C4orf36: variants seen among roughly 807,000 people sequenced by gnomAD.
C4orf36 encodes chromosome 4 open reading frame 36, also known as uncharacterized protein C4orf36.
Under a neutral mutation model 12.2 loss-of-function variants are expected in C4orf36, and 11 were observed. The ratio of observed to expected loss-of-function variants is 0.90; its 90% CI spans 0.57 to 1.49. The LOEUF is 1.49. Among genes scored for constraint, C4orf36 ranks in the 40% most tolerant of loss-of-function variants. C4orf36 has a pLI of 0.00. For synonymous variants in C4orf36, 54 were observed against 51.3 expected, an observed-to-expected ratio of 1.05 and a Z score of -0.22; for missense variants, 137 against 133.9, an observed-to-expected ratio of 1.02 and a Z score of -0.11.
At chr4:86,903,639 G>A in the C4orf36 span, among the ~76,000 whole-genome samples, 4 of 152,164 alleles carry the variant, frequency 2.6e-5, no homozygotes, top group East Asian at 7.7e-4. Context: ...AAAGAACAAA[G>A]CTCCCATACC....
chr4:86,883,180 G>A (rs751281996), intron 4 of C4orf36, among the ~76,000 whole-genome samples: 63 of 151,788 alleles, frequency 4.2e-4, no homozygotes, highest in Non-Finnish European at 7.1e-4. Context: ...ACACAGTGGG[G>A]ACATCAGGAT....
intron 4 of C4orf36, among the ~76,000 whole-genome samples, chr4:86,882,000 C>T (rs900689109): frequency 1.3e-5 from 2 of 152,130 alleles, no homozygotes; most frequent in African/African-American, 2.4e-5. Flanking sequence ...AATCAATGAT[C>T]GTCTATTGAG....
intron 4 of C4orf36, chr4:86,887,072 T>C (rs572527147): frequency 6.6e-6 from 1 of 151,490 alleles, no homozygotes; most frequent in Non-Finnish European, 1.5e-5. Context: ...ATGAGAACAC[T>C]TGGACACAGG....
At chr4:86,923,025 T>G in the C4orf36 span, among the ~76,000 whole-genome samples, 1 of 150,888 alleles carries the variant, frequency 6.6e-6, no homozygotes, top group Non-Finnish European at 1.5e-5. Context: ...CCTCAAGTGA[T>G]CCTCCTGCCT....
the C4orf36 span, among the ~76,000 whole-genome samples, chr4:86,902,922 T>A: frequency 2.8e-4 from 42 of 152,124 alleles, no homozygotes; most frequent in Middle Eastern, 3.4e-3. Context: ...TAAAAAAAAA[T>A]AAAGAACAGT....
chr4:86,919,325 T>TCC, the C4orf36 span, among the ~76,000 whole-genome samples: 1 of 135,474 alleles, frequency 7.4e-6, no homozygotes, highest in Non-Finnish European at 1.6e-5. Flanking sequence ...CTTTTTTTTT[T>TCC]TTTTTTTTTT....
chr4:86,914,713 T>C, the C4orf36 span: 4 of 409,584 alleles, frequency 9.8e-6, no homozygotes, highest in South Asian at 6.2e-5. Flanking sequence ...GTTCTTCTTA[T>C]AGATGTGCAC....
At chr4:86,909,255 G>A in the C4orf36 span, among the ~76,000 whole-genome samples, 2 of 152,332 alleles carry the variant, frequency 1.3e-5, no homozygotes, top group Admixed American at 1.3e-4. Context: ...AGTGATGAAA[G>A]AGAATTCTCA....
chr4:86,927,241 G>A, the C4orf36 span, among the ~76,000 whole-genome samples: 2 of 152,146 alleles, frequency 1.3e-5, no homozygotes, highest in African/African-American at 4.8e-5. Context: ...GTGGAGGCCG[G>A]GCATGGTGAC....
At chr4:86,926,194 CTTTT>C in the C4orf36 span, 40 of 152,394 alleles carry the variant, frequency 2.6e-4, no homozygotes, top group Admixed American at 9.2e-4. Flanking sequence ...CCTCTTCTTC[CTTTT>C]TGTTTCTAAT....
the C4orf36 span, among the ~76,000 whole-genome samples, chr4:86,908,164 AACATACACACAC>A: frequency 2.2e-5 from 2 of 92,596 alleles, no homozygotes; most frequent in Admixed American, 1.4e-4. Flanking sequence ...CTATACTTTC[AACATACACACAC>A]ACACACACAC....
rs1443654611 is a variant in C4orf36 at position 86,891,469 on chromosome 4, T to A, written c.52A>T (p.Ser18Cys). ...KNTVKTILRG[S>C]CYNVQEPWDI... is the part of the protein sequence containing the mutation. ...AATAGTACTTACACATTATAACAAC[T>A]GCCCCGCAAAATGGTTTTCACTGTG... The change falls in exon 2 of 5, where the codon AGT becomes TGT. Residue 18 changes from serine (S) to cysteine (C), a missense_variant. Coordinates refer to ENST00000295898, the MANE Select transcript of C4orf36 (RefSeq NM_144645.4). The A allele has an allele frequency of 2.5e-6, 4 of 1,613,876 alleles. No homozygotes were observed. Among genetic ancestry groups the A allele is most frequent in the Non-Finnish European group, 2.5e-6 (3 of 1,179,944 alleles).
At chr4:86,915,988 G>A in the C4orf36 span, among the ~76,000 whole-genome samples, 1 of 152,136 alleles carries the variant, frequency 6.6e-6, no homozygotes, top group East Asian at 1.9e-4. Context: ...ATGGCCTGAT[G>A]ACATTTTGCT....
chr4:86,919,004 C>T, the C4orf36 span, among the ~76,000 whole-genome samples: 1 of 151,976 alleles, frequency 6.6e-6, no homozygotes, highest in Admixed American at 6.6e-5. Context: ...AATACTCAGT[C>T]CAAGGCCAAA....
the C4orf36 span, among the ~76,000 whole-genome samples, chr4:86,926,972 T>A: frequency 6.6e-6 from 1 of 152,266 alleles, no homozygotes; most frequent in African/African-American, 2.4e-5. Context: ...ATCATATTCA[T>A]TCTCTATGTA....
the C4orf36 span, among the ~76,000 whole-genome samples, chr4:86,902,435 A>G: frequency 5.3e-5 from 8 of 151,068 alleles, no homozygotes; most frequent in African/African-American, 1.9e-4. Flanking sequence ...AAAAAAAAAA[A>G]AAAAAAAGAA....
the C4orf36 span, among the ~76,000 whole-genome samples, chr4:86,915,485 G>A: frequency 6.6e-6 from 1 of 152,120 alleles, no homozygotes; most frequent in African/African-American, 2.4e-5. Flanking sequence ...AATGACTGAT[G>A]TACTTAAAGG....
At chr4:86,906,271 A>G in the C4orf36 span, among the ~76,000 whole-genome samples, 1 of 152,212 alleles carries the variant, frequency 6.6e-6, no homozygotes, top group African/African-American at 2.4e-5. Flanking sequence ...TTCTCTCTAC[A>G]GAGAGCTTTT....
At chr4:86,885,607 G>A (rs201148856) in intron 4 of C4orf36, among the ~76,000 whole-genome samples, 2 of 151,974 alleles carry the variant, frequency 1.3e-5, no homozygotes, top group East Asian at 1.9e-4. Context: ...GGCTGAGACG[G>A]TGGGGTTTTC....
Sources: gnomAD v4.1 joint callset for allele counts (sites outside exome capture counted in the v4.1 genomes callset) on GRCh38, gnomAD v4.1.1 for gene constraint, MANE v1.5 for transcripts, NCBI Gene and HGNC (gene_info 2026-07-23, HGNC 2026-07-21) for gene names.